The following KCNJ15 variants were observed in gnomAD, a reference collection of about 807,000 sequenced individuals.
KCNJ15 encodes the protein potassium inwardly rectifying channel subfamily J member 15.
A neutral mutation model predicts 23.0 loss-of-function variants in KCNJ15; 14 were observed. That is an observed-to-expected ratio of 0.61 (90% CI 0.40 to 0.95). The LOEUF is 0.95. Ranked by LOEUF, KCNJ15 falls within the 40% of genes least tolerant of loss-of-function variation. KCNJ15 has a pLI of 0.00. For missense variants in KCNJ15, 388 were observed against 461.8 expected (o/e 0.84, Z 1.46); for synonymous variants, 185 against 183.2 (o/e 1.01, Z -0.08).
chr21:38,289,647 C>T lies in KCNJ15; in HGVS notation c.-116-7279C>T, dbSNP rs779670312. On this transcript the variant is annotated intron_variant, in intron 1 of 2. Coordinates refer to ENST00000398938, the MANE Select transcript of KCNJ15 (RefSeq NM_170736.3). The stretch of plus-strand genomic sequence containing the variant: ...ACTTAGGAAGCTAAGGAAGGAGAAT[C>T]GCTTGAATCTGGGAGGCAGGGGTTG... Among the ~76,000 whole-genome samples the T allele has an allele frequency of 5.0e-4, 76 of 152,124 alleles. 1 individual carries two copies. Among genetic ancestry groups the T allele is most frequent in the African/African-American group, 1.3e-3 (54 of 41,414 alleles).
At chr21:38,282,502 G>A (rs1042955363) in intron 1 of KCNJ15, among the ~76,000 whole-genome samples, 7 of 152,114 alleles carry the variant, frequency 4.6e-5, no homozygotes, top group African/African-American at 7.2e-5. Flanking sequence ...TTTGTGCTAC[G>A]AATCAGAATA....
chr21:38,247,129 CATGGATGG>C (rs1393284410), intron 1 of KCNJ15, among the ~76,000 whole-genome samples: 1 of 65,602 alleles, frequency 1.5e-5, no homozygotes, highest in Non-Finnish European at 3.2e-5. Flanking sequence ...TGGATGGATG[CATGGATGG>C]ATGGATGGAT....
Position 38,301,100 on chromosome 21 carries a change from C to T in KCNJ15, c.*711C>T. On this transcript the variant is annotated 3_prime_UTR_variant, in exon 3 of 3. Coordinates refer to ENST00000398938, the MANE Select transcript of KCNJ15 (RefSeq NM_170736.3). The stretch of plus-strand genomic sequence containing the variant: ...CTATCTCTTTCCATTCAAAATATTT[C>T]CATTCAAAATGTGGTTCACAGACCC... The T allele has an allele frequency of 6.0e-6, 1 of 166,672 alleles. No homozygotes were observed. 10.3% of individuals were successfully genotyped at this position (166,672 alleles called of 1,614,324 possible).
rs1985891952 is a variant in KCNJ15 at position 38,302,777 on chromosome 21, A to T, written c.*2388A>T. 6.6e-6 allele frequency: 1 copy of T among 152,198 alleles called. No individual in the cohort carries two copies. Among genetic ancestry groups the T allele is most frequent in the Non-Finnish European group, 1.5e-5 (1 of 68,034 alleles). 9.4% of individuals were successfully genotyped at this position (152,198 alleles called of 1,614,324 possible). ...GTATATGGTACAAGGACGTAGCATAAGATCCAAAAAAAATTTTGTATTGTC... is the reference window on the plus strand; with the variant it reads ...GTATATGGTACAAGGACGTAGCATATGATCCAAAAAAAATTTTGTATTGTC... On this transcript the variant is annotated 3_prime_UTR_variant, in exon 3 of 3. Transcript: ENST00000398938.
intron 1 of KCNJ15, among the ~76,000 whole-genome samples, chr21:38,289,870 G>A (rs1984400862): frequency 6.6e-6 from 1 of 152,194 alleles, no homozygotes. Flanking sequence ...GCATGTCCAA[G>A]CCACGCTGTG....
intron 1 of KCNJ15, among the ~76,000 whole-genome samples, chr21:38,249,946 C>T (rs956501984): frequency 3.3e-5 from 5 of 152,156 alleles, no homozygotes; most frequent in Non-Finnish European, 5.9e-5. Flanking sequence ...GAATTAGCCC[C>T]TGTGCATTGC....
chr21:38,238,631 G>T, intron 1 of KCNJ15: 1 of 589,390 alleles, frequency 1.7e-6, no homozygotes, highest in Non-Finnish European at 3.2e-6. Context: ...AACCAGAGCG[G>T]GTTGTGGGCT....
chr21:38,248,453 A>C (rs1047639649), intron 1 of KCNJ15, among the ~76,000 whole-genome samples: 1 of 152,242 alleles, frequency 6.6e-6, no homozygotes, highest in Admixed American at 6.5e-5. Flanking sequence ...TTATTCAAGT[A>C]ATCTAAACTA....
chr21:38,257,022 T>C lies in KCNJ15; in HGVS notation c.-280T>C, dbSNP rs962542464. 1 of 151,950 alleles carries C rather than the reference T, an allele frequency of 6.6e-6. No individual in the cohort carries two copies. The highest frequency in any genetic ancestry group is 2.1e-4 in the South Asian group (1 of 4,798). 9.4% of individuals were successfully genotyped at this position (151,950 alleles called of 1,614,324 possible). On this transcript the variant is annotated 5_prime_UTR_variant, in exon 1 of 3. Transcript: ENST00000398938. The stretch of plus-strand genomic sequence containing the variant: ...TCCAGGTAATTCTTACTCAAACTTG[T>C]ACCAACTTGTTTTTGACTGACAGTG...
At chr21:38,268,550 G>GGAAAAAAA (rs758290326) in intron 1 of KCNJ15, among the ~76,000 whole-genome samples, 2 of 47,234 alleles carry the variant, frequency 4.2e-5, no homozygotes, top group Non-Finnish European at 1.0e-4. Context: ...CTTAAAATCT[G>GGAAAAAAA]AAAAAAAAAA....
chr21:38,299,279 C>CGGCAT lies in KCNJ15; in HGVS notation c.20_24dup (p.Ser9AlafsTer8). 1 of 1,612,044 alleles carries CGGCAT rather than the reference C, an allele frequency of 6.2e-7. No homozygotes were observed. The highest frequency in any genetic ancestry group is 8.5e-7 in the Non-Finnish European group (1 of 1,178,564). On this transcript the variant is annotated frameshift_variant, in exon 3 of 3. Coordinates refer to ENST00000398938, the MANE Select transcript of KCNJ15 (RefSeq NM_170736.3). LOFTEE classifies it high-confidence loss of function. The surrounding 1 kb of genome is among the most constrained non-coding windows in gnomAD (Gnocchi z 4.5). ...GCCTGGCAATGGATGCCATTCACAT[C>CGGCAT]GGCATGTCCAGCACCCCCCTGGTGA...
intron 1 of KCNJ15, among the ~76,000 whole-genome samples, chr21:38,269,997 A>G (rs940531386): frequency 6.6e-6 from 1 of 151,944 alleles, no homozygotes; most frequent in African/African-American, 2.4e-5. Context: ...GCCCTGTTCA[A>G]TTGCTCCTGT....
chr21:38,295,284 C>G (rs1207244345), intron 1 of KCNJ15, among the ~76,000 whole-genome samples: 1 of 152,186 alleles, frequency 6.6e-6, no homozygotes, highest in Non-Finnish European at 1.5e-5. Context: ...CTGAAAATGT[C>G]AAATCCTGGA....
intron 1 of KCNJ15, among the ~76,000 whole-genome samples, chr21:38,284,058 G>A (rs531326812): frequency 3.5e-4 from 53 of 152,232 alleles, no homozygotes; most frequent in African/African-American, 1.3e-3. Context: ...TCCTGTCCAG[G>A]TGTCTCTGTT....
Position 38,305,080 on chromosome 21 carries a change from C to CAAAAAAAAAAAAAAAAAAAAAAA in KCNJ15, c.*4708_*4709insAAAAAAAAAAAAAAAAAAAAAAA, listed in dbSNP as rs60094452. On this transcript the variant is annotated 3_prime_UTR_variant, in exon 3 of 3. Transcript: ENST00000398938. ...GGGCAACAAAAGTAAAACTCCGTCTCAAAAAAAAAAAAAAAAAGAAAAAGA... is the reference window on the plus strand; with the variant it reads ...GGGCAACAAAAGTAAAACTCCGTCTCAAAAAAAAAAAAAAAAAAAAAAAAAAAAAAAAAAAAAAAAGAAAAAGA... 2.0e-5 allele frequency: 2 copies of CAAAAAAAAAAAAAAAAAAAAAAA among 97,796 alleles called. No individual in the cohort carries two copies. Among genetic ancestry groups the CAAAAAAAAAAAAAAAAAAAAAAA allele is most frequent in the Admixed American group, 1.2e-4 (1 of 8,194 alleles). The allele number at this position is 97,796 out of a possible 1,614,324, so 6.1% of individuals were successfully genotyped here.
intron 1 of KCNJ15, among the ~76,000 whole-genome samples, chr21:38,245,651 CA>C (rs1458962745): frequency 7.8e-6 from 1 of 128,924 alleles, no homozygotes; most frequent in Non-Finnish European, 1.6e-5. Flanking sequence ...GAAAGAGAGA[CA>C]GAGAAAGGAA....
At chr21:38,253,918 C>G (rs937036275), upstream of KCNJ15, among the ~76,000 whole-genome samples, 2 of 152,126 alleles carry the variant, frequency 1.3e-5, no homozygotes, top group African/African-American at 4.8e-5. Flanking sequence ...ACTGAATAGT[C>G]ATTTATATTT....
At chr21:38,284,086 G>T (rs1267988766) in intron 1 of KCNJ15, among the ~76,000 whole-genome samples, 2 of 152,100 alleles carry the variant, frequency 1.3e-5, no homozygotes, top group African/African-American at 2.4e-5. Flanking sequence ...AGGCCCATCT[G>T]CACAGACCCT....
At chr21:38,252,605 A>G (rs1316228023), upstream of KCNJ15, among the ~76,000 whole-genome samples, 1 of 152,238 alleles carries the variant, frequency 6.6e-6, no homozygotes, top group Non-Finnish European at 1.5e-5. Flanking sequence ...GACTATATGC[A>G]TAATAAAATC....
Sources: allele counts gnomAD v4.1 joint callset (sites outside exome capture counted in the v4.1 genomes callset), GRCh38; gene constraint gnomAD v4.1.1; non-coding constraint Gnocchi (gnomAD v3.1); transcripts MANE v1.5; gene names NCBI Gene and HGNC (gene_info 2026-07-23, HGNC 2026-07-21).